PACRG: variants seen among roughly 807,000 people sequenced by gnomAD.
The protein encoded by PACRG is parkin coregulated, also known as parkin coregulated gene protein.
PACRG carries 29 observed loss-of-function variants against 29.7 expected under a neutral mutation model. That is an observed-to-expected ratio of 0.98 (90% CI 0.73 to 1.33). The LOEUF (loss-of-function observed/expected upper bound fraction) is 1.33. PACRG is among the 40% of genes most tolerant of loss of function. The pLI is 0.00. For synonymous variants in PACRG, 116 were observed against 118.7 expected (o/e 0.98, Z 0.15); for missense variants, 279 against 316.2 (o/e 0.88, Z 0.89).
intron 4 of PACRG, chr6:163,165,687 G>A (rs1778770181): frequency 4.9e-6 from 1 of 202,762 alleles, no homozygotes; most frequent in African/African-American, 2.4e-5. Flanking sequence ...CAAGGAGGGG[G>A]CTCAAATTCA....
intron 4 of PACRG, among the ~76,000 whole-genome samples, chr6:163,098,034 TTGTC>T (rs1370500867): frequency 2.6e-5 from 4 of 152,220 alleles, no homozygotes; most frequent in African/African-American, 7.2e-5. Context: ...ATTTTCTACT[TTGTC>T]TGTCATGTGA....
intron 4 of PACRG, among the ~76,000 whole-genome samples, chr6:163,180,852 T>A (rs1414983068): frequency 3.9e-5 from 6 of 152,214 alleles, no homozygotes; most frequent in Non-Finnish European, 1.5e-5. Context: ...AAACGCTGCG[T>A]CTCCTGGAGT....
chr6:162,783,652 A>G (rs1043622865), intron 1 of PACRG, among the ~76,000 whole-genome samples: 4 of 152,012 alleles, frequency 2.6e-5, no homozygotes, highest in African/African-American at 9.7e-5. Context: ...ATATGCTATG[A>G]TAATTATTCT....
chr6:163,076,719 C>T (rs1053135661), intron 3 of PACRG, among the ~76,000 whole-genome samples: 2 of 152,126 alleles, frequency 1.3e-5, no homozygotes, highest in Non-Finnish European at 1.5e-5. Flanking sequence ...GCTCATTTTT[C>T]GGAATGCCCA....
At chr6:162,804,617 A>G (rs1431549626) in intron 1 of PACRG, among the ~76,000 whole-genome samples, 3 of 152,068 alleles carry the variant, frequency 2.0e-5, no homozygotes, top group Non-Finnish European at 4.4e-5. Flanking sequence ...TTGCCATCCC[A>G]TGCTTGGACC....
At chr6:163,250,204 A>G (rs1782848180) in intron 4 of PACRG, among the ~76,000 whole-genome samples, 1 of 152,256 alleles carries the variant, frequency 6.6e-6, no homozygotes. Context: ...ACAAAGCAAC[A>G]GACTGCCCTC....
At chr6:163,065,803 C>T (rs933344687) in intron 3 of PACRG, among the ~76,000 whole-genome samples, 1 of 152,020 alleles carries the variant, frequency 6.6e-6, no homozygotes, top group African/African-American at 2.4e-5. Context: ...CTGAAAATGC[C>T]GTAGTAGAAC....
intron 2 of PACRG, among the ~76,000 whole-genome samples, chr6:163,031,226 C>T (rs1362782328): frequency 6.6e-6 from 1 of 152,162 alleles, no homozygotes; most frequent in African/African-American, 2.4e-5. Context: ...ATATATTCTA[C>T]AACAATAAAG....
chr6:162,955,644 G>A (rs1435149290), intron 2 of PACRG, among the ~76,000 whole-genome samples: 1 of 152,180 alleles, frequency 6.6e-6, no homozygotes, highest in Admixed American at 6.5e-5. Flanking sequence ...GGGAGACATA[G>A]AAATAGCGTA....
chr6:162,836,861 T>C (rs1789274480), intron 2 of PACRG, among the ~76,000 whole-genome samples: 1 of 152,110 alleles, frequency 6.6e-6, no homozygotes, highest in Non-Finnish European at 1.5e-5. Context: ...TATTCAGATA[T>C]TAGTTTGGGG....
intron 2 of PACRG, among the ~76,000 whole-genome samples, chr6:162,939,876 T>A (rs1166948761): frequency 6.6e-6 from 1 of 152,206 alleles, no homozygotes; most frequent in Non-Finnish European, 1.5e-5. Context: ...CTGTCAGTCT[T>A]TTTCTTAAAT....
intron 4 of PACRG, among the ~76,000 whole-genome samples, chr6:163,292,216 C>T (rs964194434): frequency 3.3e-5 from 5 of 152,144 alleles, no homozygotes; most frequent in Non-Finnish European, 5.9e-5. Context: ...AGTCGAGGGG[C>T]TGGGGGATAG....
At chr6:162,779,443 ACAAT>A (rs1783916881) in intron 1 of PACRG, among the ~76,000 whole-genome samples, 2 of 152,236 alleles carry the variant, frequency 1.3e-5, no homozygotes, top group Admixed American at 1.3e-4. Flanking sequence ...TACTCCCATT[ACAAT>A]ATGGTACACC....
intron 2 of PACRG, among the ~76,000 whole-genome samples, chr6:162,872,583 A>T (rs1792915690): frequency 6.6e-6 from 1 of 152,238 alleles, no homozygotes. Flanking sequence ...AGAAAATTAG[A>T]AATTAGAAAC....
intron 4 of PACRG, among the ~76,000 whole-genome samples, chr6:163,221,645 A>G (rs1182044656): frequency 2.6e-5 from 4 of 152,240 alleles, no homozygotes; most frequent in African/African-American, 9.6e-5. Flanking sequence ...AAGCAAGAAA[A>G]CATAGGTAAA....
chr6:163,148,781 C>A (rs1486562028), intron 4 of PACRG, among the ~76,000 whole-genome samples: 1 of 152,032 alleles, frequency 6.6e-6, no homozygotes, highest in Admixed American at 6.5e-5. Context: ...AAGCAGCTCC[C>A]AACACTGGAA....
intron 3 of PACRG, among the ~76,000 whole-genome samples, chr6:163,067,356 G>A (rs900299701): frequency 2.0e-5 from 3 of 152,214 alleles, no homozygotes; most frequent in African/African-American, 7.2e-5. Flanking sequence ...GCCAGGCGTG[G>A]GACATGGGTG....
chr6:163,149,916 C>T (rs1420462820), intron 4 of PACRG, among the ~76,000 whole-genome samples: 1 of 152,178 alleles, frequency 6.6e-6, no homozygotes, highest in Non-Finnish European at 1.5e-5. Flanking sequence ...TCAGAGATGC[C>T]TGGGACTCCT....
At chr6:162,915,390 T>C (rs867259397) in intron 2 of PACRG, among the ~76,000 whole-genome samples, 5 of 152,166 alleles carry the variant, frequency 3.3e-5, no homozygotes, top group African/African-American at 1.2e-4. Context: ...TATAACCATT[T>C]AAAATGTAAC....
Sources: allele counts gnomAD v4.1 joint callset (sites outside exome capture counted in the v4.1 genomes callset), GRCh38; gene constraint gnomAD v4.1.1; transcripts MANE v1.5; gene names NCBI Gene and HGNC (gene_info 2026-07-23, HGNC 2026-07-21).